The following CFAP161 variants were observed in gnomAD, a reference collection of about 807,000 sequenced individuals.
The protein encoded by CFAP161 is cilia- and flagella-associated protein 161.
In CFAP161, 25 loss-of-function variants were observed where a neutral mutation model predicts 29.0. The ratio of observed to expected loss-of-function variants is 0.86; its 90% CI spans 0.63 to 1.20. The LOEUF (loss-of-function observed/expected upper bound fraction) is 1.20. CFAP161 is among the 50% of genes most tolerant of loss of function. The pLI, the probability that CFAP161 is intolerant of heterozygous loss-of-function variation, is 0.00. For synonymous variants in CFAP161, 116 were observed against 137.4 expected (o/e 0.84, Z 1.09); for missense variants, 367 against 371.9 (o/e 0.99, Z 0.11).
intron 1 of CFAP161, among the ~76,000 whole-genome samples, chr15:81,124,113 T>G (rs1894610202): frequency 6.6e-6 from 1 of 152,224 alleles, no homozygotes; most frequent in African/African-American, 2.4e-5. Flanking sequence ...CCTTGTCTTG[T>G]GCCAGTTTTC....
chr15:81,133,214 TATATATA>T (rs1567156386), upstream of CFAP161, among the ~76,000 whole-genome samples: 7 of 42,246 alleles, frequency 1.7e-4, no homozygotes, highest in African/African-American at 5.7e-4. Flanking sequence ...TATATATATA[TATATATA>T]TATGTATTTT....
rs139190819 is a variant in CFAP161, at chr15:81,143,886, A to G, written c.636+66A>G. On this transcript the variant is annotated intron_variant, in intron 5 of 6. Coordinates refer to ENST00000286732, the MANE Select transcript of CFAP161 (RefSeq NM_173528.4). ...AAATGGATGCAATTTATTCCTGTCT[A>G]TAACACACAGACTTATAGCTCAAAT... 1,401 of 1,528,786 alleles carry G rather than the reference A, an allele frequency of 9.2e-4. 7 individuals are homozygous for G. The African/African-American group carries it at 0.017, about 18-fold the overall frequency. The allele number at this position is 1,528,786 out of a possible 1,614,324, so 94.7% of individuals were successfully genotyped here.
At chr15:81,102,600 G>A (rs1032568439) in intron 1 of CFAP161, among the ~76,000 whole-genome samples, 2 of 152,206 alleles carry the variant, frequency 1.3e-5, no homozygotes, top group Non-Finnish European at 2.9e-5. Flanking sequence ...TCCAGGAGGT[G>A]AAGGCTGCAG....
In CFAP161 at chr15:81,117,433, G is replaced by A. The variant is rs536033575; in HGVS notation, c.-141-10157G>A. ...AATTTTGTTGGGGTGAAGTCCCTAA[G>A]CTCGGTGGTAGATTACCAAGAGGGA... On this transcript the variant is annotated intron_variant, in intron 1 of 4. Coordinates refer to the CFAP161 transcript ENST00000560091. Among the ~76,000 whole-genome samples, 15 of 152,184 alleles carry A rather than the reference G, an allele frequency of 9.9e-5. No homozygotes were observed. In the South Asian group the frequency reaches 3.1e-3, roughly 32 times the overall value.
Position 81,136,393 on chromosome 15 carries a change from C to A in CFAP161, c.160-123C>A, listed in dbSNP as rs374974716. The A allele has an allele frequency of 1.3e-4, 111 of 823,444 alleles. 1 individual carries two copies. Among genetic ancestry groups the A allele is most frequent in the Middle Eastern group, 1.3e-3 (5 of 3,996 alleles). The allele number at this position is 823,444 out of a possible 1,614,324, so 51.0% of individuals were successfully genotyped here. A position where few individuals can be genotyped will look rare whatever the true frequency, so the allele number is the denominator to read the frequency against. On this transcript the variant is annotated intron_variant, in intron 2 of 6. Coordinates refer to ENST00000286732, the MANE Select transcript of CFAP161 (RefSeq NM_173528.4). ...GGAAAGGAAGAAGGAACTAAGGGTT[C>A]GAGGGAATCCAAGTGAAATCCTGAA...
chr15:81,129,200 A>G (rs1828375448), intron 2 of CFAP161, among the ~76,000 whole-genome samples: 1 of 152,148 alleles, frequency 6.6e-6, no homozygotes, highest in Non-Finnish European at 1.5e-5. Flanking sequence ...GTCAGTGAAC[A>G]AAGCTGCAAA....
intron 1 of CFAP161, among the ~76,000 whole-genome samples, chr15:81,112,165 C>T (rs1011231625): frequency 1.3e-5 from 2 of 151,912 alleles, no homozygotes; most frequent in South Asian, 2.1e-4. Flanking sequence ...AAAATACTTG[C>T]GCAAGCCGAG....
rs764230610 is a variant in CFAP161, at chr15:81,143,612, A to G, written c.478-50A>G. On this transcript the variant is annotated intron_variant, in intron 4 of 6. Coordinates refer to ENST00000286732, the MANE Select transcript of CFAP161 (RefSeq NM_173528.4). The stretch of plus-strand genomic sequence containing the variant: ...CCAGTCAATTGCTTCTTTATTCTCC[A>G]GCTTTTCACAGAGCTCTGACTTAGT... 2.3e-5 allele frequency: 36 copies of G among 1,562,640 alleles called. No individual in the cohort carries two copies. In the African/African-American group the frequency reaches 3.8e-4, roughly 17 times the overall value.
intron 1 of CFAP161, chr15:81,117,869 C>G: frequency 2.7e-6 from 1 of 365,420 alleles, no homozygotes; most frequent in South Asian, 3.0e-5. Flanking sequence ...TCCTTCTCAT[C>G]TTCTCCTTCT....
rs1366996350 is a variant in CFAP161 at position 81,138,122 on chromosome 15, T to A, written c.464T>A (p.Phe155Tyr). The A allele has an allele frequency of 1.9e-6, 3 of 1,611,158 alleles. No homozygotes were observed. In the African/African-American group the frequency reaches 4.0e-5, roughly 22 times the overall value. Residue 155 changes from phenylalanine to tyrosine, a missense_variant, in exon 4 of 7, where the codon TTT (phenylalanine) becomes TAT (tyrosine). Physicochemically the swap from Phe to Tyr is conservative, Grantham distance 22. Coordinates refer to ENST00000286732, the MANE Select transcript of CFAP161 (RefSeq NM_173528.4). ...QDFCLGITGG[F>Y]DNKMLYLSSD... The stretch of plus-strand genomic sequence containing the variant: ...TTTTGCCTGGGGATAACAGGAGGAT[T>A]TGACAACAAAATGGTGAGTTATCAC...
At chr15:81,111,559 C>T (rs1408033921) in intron 1 of CFAP161, among the ~76,000 whole-genome samples, 2 of 152,220 alleles carry the variant, frequency 1.3e-5, no homozygotes, top group Non-Finnish European at 2.9e-5. Context: ...CTCTCTGTCC[C>T]TTGTCAATTT....
intron 1 of CFAP161, among the ~76,000 whole-genome samples, chr15:81,112,712 G>A (rs985206350): frequency 4.3e-4 from 65 of 152,040 alleles, no homozygotes; most frequent in African/African-American, 1.5e-3. Context: ...AAAAATAACC[G>A]GCTAAATAAC....
At chr15:81,113,282 G>A (rs2683238) in intron 1 of CFAP161, among the ~76,000 whole-genome samples, 83,350 of 151,990 alleles carry the variant, frequency 0.55, 24,101 homozygotes, top group Non-Finnish European at 0.67. Context: ...ATAGACTTCA[G>A]CAAACTAGTC....
At chr15:81,142,658 G>A (rs1894931128) in intron 4 of CFAP161, among the ~76,000 whole-genome samples, 1 of 152,190 alleles carries the variant, frequency 6.6e-6, no homozygotes, top group Non-Finnish European at 1.5e-5. Context: ...ACCTCATGAG[G>A]ATAGTAACTC....
At chr15:81,148,294 T>C in intron 6 of CFAP161, 44 bp from the exon 7 acceptor site, 2 of 1,516,592 alleles carry the variant, frequency 1.3e-6, no homozygotes, top group Non-Finnish European at 1.8e-6. Context: ...TTATTGAGAG[T>C]TGTTATTCAA....
intron 3 of CFAP161, among the ~76,000 whole-genome samples, chr15:81,137,186 G>A (rs1894825638): frequency 6.6e-6 from 1 of 151,764 alleles, no homozygotes; most frequent in African/African-American, 2.4e-5. Context: ...CATTAAAAAT[G>A]TATTTGAAGA....
At chr15:81,100,491 C>G (rs549422090) in intron 1 of CFAP161, among the ~76,000 whole-genome samples, 3 of 152,064 alleles carry the variant, frequency 2.0e-5, no homozygotes, top group Admixed American at 2.0e-4. Context: ...TGCAAACTTT[C>G]CCCCTCAGAA....
chr15:81,136,873 C>A, intron 3 of CFAP161, 125 bp downstream of exon 3: 1 of 762,206 alleles, frequency 1.3e-6, no homozygotes, highest in Non-Finnish European at 2.1e-6. Context: ...TCGTGATTTT[C>A]ATCTTGCTTT....
chr15:81,143,625 G>A (rs1419841760), intron 4 of CFAP161, 37 bp from the exon 5 acceptor site: 2 of 1,590,488 alleles, frequency 1.3e-6, no homozygotes, highest in East Asian at 2.3e-5. Flanking sequence ...TTTTCACAGA[G>A]CTCTGACTTA....
Sources: allele counts gnomAD v4.1 joint callset (sites outside exome capture counted in the v4.1 genomes callset), GRCh38; gene constraint gnomAD v4.1.1; transcripts MANE v1.5; gene names NCBI Gene and HGNC (gene_info 2026-07-23, HGNC 2026-07-21).